USPL1: variants seen among roughly 807,000 people sequenced by gnomAD.
USPL1 encodes the protein ubiquitin specific peptidase like 1, also known as SUMO-specific isopeptidase USPL1.
Under a neutral mutation model 51.5 loss-of-function variants are expected in USPL1, and 27 were observed. The ratio of observed to expected loss-of-function variants is 0.52; its 90% confidence interval spans 0.39 to 0.72. The LOEUF (loss-of-function observed/expected upper bound fraction) is 0.72, where lower values mean the gene tolerates loss of function less well. Ranked by LOEUF, USPL1 falls within the 30% of genes least tolerant of loss-of-function variation. USPL1 has a pLI of 0.00. For synonymous variants in USPL1, 451 were observed against 459.6 expected, an observed-to-expected ratio of 0.98 and a Z score of 0.24; for missense variants, 1,226 against 1,268.0, an observed-to-expected ratio of 0.97 and a Z score of 0.50.
At chr13:30,641,520 T>A (rs1266098759) in intron 5 of USPL1, among the ~76,000 whole-genome samples, 1 of 152,186 alleles carries the variant, frequency 6.6e-6, no homozygotes, top group Non-Finnish European at 1.5e-5. Flanking sequence ...TTGGGCCAAA[T>A]CGGTAAGGCA....
chr13:30,658,553 A>G lies in USPL1; in HGVS notation c.2476A>G (p.Ser826Gly), dbSNP rs775837924. Residue 826 changes from serine (S) to glycine (G), a missense_variant, in exon 9 of 9, where the codon AGT becomes GGT. Physicochemically the swap from Ser to Gly is moderately conservative, Grantham distance 56 (BLOSUM62 0). Coordinates refer to ENST00000255304, the MANE Select transcript of USPL1 (RefSeq NM_005800.5). Reference protein sequence around the residue: ...RKSASKPPPISKPPAGPPSSN... With the variant: ...RKSASKPPPIGKPPAGPPSSN... ...GAGTGCAAGTAAGCCTCCTCCCATC[A>G]GTAAGCCACCAGCAGGCCCTCCATC... 2 of 1,614,138 alleles carry G rather than the reference A, an allele frequency of 1.2e-6. No individual in the cohort carries two copies. Among genetic ancestry groups the G allele is most frequent in the South Asian group, 1.1e-5 (1 of 91,088 alleles).
intron 1 of USPL1, 63 bp from the exon 2 acceptor site, chr13:30,621,010 C>T (rs777810912): frequency 1.3e-5 from 9 of 695,066 alleles, no homozygotes; most frequent in Non-Finnish European, 2.1e-5. Context: ...TATAAAATAG[C>T]ATGGTTCTTT....
At chr13:30,640,331 C>G (rs969134355) in intron 5 of USPL1, among the ~76,000 whole-genome samples, 37 of 152,240 alleles carry the variant, frequency 2.4e-4, no homozygotes, top group African/African-American at 8.0e-4. Context: ...TTTATGCATA[C>G]AGTGTTGCAT....
rs1191776255 is a variant in USPL1, at chr13:30,633,873, A to G, written c.868+2399A>G. ...ACATTTGTTTCTGATCGTGTCTTCCACCCACAAATTGAATGCTTTTTCCAT... is the reference window on the plus strand; with the variant it reads ...ACATTTGTTTCTGATCGTGTCTTCCGCCCACAAATTGAATGCTTTTTCCAT... On this transcript the variant is annotated intron_variant, in intron 4 of 8. Transcript: ENST00000255304. Among the ~76,000 whole-genome samples the G allele has an allele frequency of 2.0e-5, 3 of 150,372 alleles. No individual in the cohort carries two copies. The East Asian group carries it at 5.8e-4, about 29-fold the overall frequency.
intron 5 of USPL1, among the ~76,000 whole-genome samples, chr13:30,640,935 T>A (rs1950938955): frequency 6.6e-6 from 1 of 152,200 alleles, no homozygotes; most frequent in Non-Finnish European, 1.5e-5. Flanking sequence ...TCTGAGTAGT[T>A]TGACTTAGGA....
At chr13:30,644,885 A>G (rs1409976562) in intron 6 of USPL1, among the ~76,000 whole-genome samples, 2 of 152,232 alleles carry the variant, frequency 1.3e-5, no homozygotes, top group Non-Finnish European at 2.9e-5. Context: ...ATTCATACCT[A>G]GGACTTAAAT....
At chr13:30,652,910 T>C (rs1025718425) in intron 7 of USPL1, among the ~76,000 whole-genome samples, 3 of 152,250 alleles carry the variant, frequency 2.0e-5, no homozygotes, top group Non-Finnish European at 2.9e-5. Context: ...GTTAGAGTCA[T>C]ACTGCATGAT....
intron 8 of USPL1, 30 bp from the exon 9 acceptor site, chr13:30,657,444 T>G (rs1951178304): frequency 6.5e-7 from 1 of 1,546,976 alleles, no homozygotes; most frequent in Non-Finnish European, 8.7e-7. Context: ...TTTTTGAATA[T>G]CTAACTTTCA....
Position 30,621,807 on chromosome 13 carries a change from C to T in USPL1, c.143C>T (p.Ala48Val), listed in dbSNP as rs1055731899. The T allele has an allele frequency of 3.2e-6, 5 of 1,584,876 alleles. No individual in the cohort carries two copies. In the African/African-American group the frequency reaches 6.8e-5, roughly 22 times the overall value. The part of the protein sequence containing the change: ...AKVPSDEYCP[A>V]CREKGKLKAL... ...GTTCCATCAGATGAGTATTGCCCTG[C>T]TTGTAGAGAGAAGGGAAAGTTAAAA... The change falls in exon 3 of 9, where the codon GCT (alanine) becomes GTT (valine). Residue 48 changes from alanine (A) to valine (V), a missense_variant. Transcript: ENST00000255304.
intron 1 of USPL1, 133 bp downstream of exon 1, chr13:30,618,189 T>A (rs1223337039): frequency 6.6e-6 from 1 of 152,252 alleles, no homozygotes; most frequent in Non-Finnish European, 1.5e-5. Flanking sequence ...TGGGAAAGGT[T>A]GATGATTAAG....
At chr13:30,652,590 T>G (rs1951104816) in intron 7 of USPL1, among the ~76,000 whole-genome samples, 1 of 152,256 alleles carries the variant, frequency 6.6e-6, no homozygotes, top group African/African-American at 2.4e-5. Context: ...CAATATGTTG[T>G]ATTTTTTTCT....
At chr13:30,620,995 C>A in intron 1 of USPL1, 78 bp from the exon 2 acceptor site, 2 of 635,332 alleles carry the variant, frequency 3.1e-6, no homozygotes, top group South Asian at 4.2e-5. Context: ...TTACTATATA[C>A]GTCTTATAAA....
Position 30,621,089 on chromosome 13 carries a change from C to A in USPL1, c.-52C>A. The A allele has an allele frequency of 6.9e-7, 1 of 1,451,454 alleles. No individual in the cohort carries two copies. Among genetic ancestry groups the A allele is most frequent in the Non-Finnish European group, 9.4e-7 (1 of 1,058,604 alleles). 89.9% of individuals were successfully genotyped at this position (1,451,454 alleles called of 1,614,324 possible). A position where few individuals can be genotyped will look rare whatever the true frequency, so the allele number is the denominator to read the frequency against. On this transcript the variant is annotated 5_prime_UTR_variant, in exon 2 of 9. Coordinates refer to ENST00000255304, the MANE Select transcript of USPL1 (RefSeq NM_005800.5). ...TTTTTCCAGGGTTCATTGAAAAAAT[C>A]CTTAGTGATATTGACATGTCTCAAG...
intron 7 of USPL1, among the ~76,000 whole-genome samples, chr13:30,651,620 A>G (rs1249068274): frequency 6.6e-6 from 1 of 152,244 alleles, no homozygotes; most frequent in African/African-American, 2.4e-5. Flanking sequence ...AACTAGCCTC[A>G]GAAAGTATCT....
intron 7 of USPL1, among the ~76,000 whole-genome samples, chr13:30,650,818 C>A (rs909177384): frequency 1.3e-5 from 2 of 151,702 alleles, no homozygotes; most frequent in African/African-American, 4.8e-5. Context: ...GGTGAAACCC[C>A]ATCTCTACTA....
chr13:30,655,308 T>C (rs1033797072), intron 8 of USPL1, among the ~76,000 whole-genome samples: 6 of 152,210 alleles, frequency 3.9e-5, no homozygotes, highest in Non-Finnish European at 8.8e-5. Flanking sequence ...GTTTTAAGTC[T>C]GTGTTGAGTC....
Position 30,660,479 on chromosome 13 carries a change from A to G in USPL1, c.*1123A>G, listed in dbSNP as rs1346587312. On this transcript the variant is annotated 3_prime_UTR_variant, in exon 9 of 9. Coordinates refer to ENST00000255304, the MANE Select transcript of USPL1 (RefSeq NM_005800.5). ...CTGCTCCAAGGCTGCAGCCGGAATG[A>G]TAGCAGGCTGACTGGAGCACCTGCC... The G allele has an allele frequency of 9.2e-5, 14 of 152,290 alleles. No homozygotes were observed. Among genetic ancestry groups the G allele is most frequent in the Admixed American group, 9.2e-4 (14 of 15,294 alleles). The allele number at this position is 152,290 out of a possible 1,614,324, so 9.4% of individuals were successfully genotyped here.
Position 30,657,607 on chromosome 13 carries a change from C to T in USPL1, c.1530C>T (p.Ala510=). 6.2e-7 allele frequency: 1 copy of T among 1,614,168 alleles called. No homozygotes were observed. The highest frequency in any genetic ancestry group is 8.5e-7 in the Non-Finnish European group (1 of 1,180,026). Residue 510 remains alanine, a synonymous_variant, in exon 9 of 9, where the codon GCC becomes GCT. Coordinates refer to ENST00000255304, the MANE Select transcript of USPL1 (RefSeq NM_005800.5). The part of the protein sequence containing the change: ...KISQVTDKEA[A]CLPLKKTNDQ... ...CCCAAGTGACAGATAAAGAAGCTGC[C>T]TGCCTTCCACTTAAAAAGACTAATG... is the stretch of plus-strand genomic sequence containing the variant.
In USPL1 at chr13:30,657,686, G is replaced by A. The variant is rs755475481; in HGVS notation, c.1609G>A (p.Gly537Ser). Residue 537 changes from glycine (G) to serine (S), a missense_variant, in exon 9 of 9, where the codon GGT becomes AGT. By Grantham distance (56) the Gly-to-Ser change is moderately conservative. Coordinates refer to ENST00000255304, the MANE Select transcript of USPL1 (RefSeq NM_005800.5). ...AGTATCTTTAACATCGTGTTCTGTG[G>A]GTGATGCTGCCTCAGCTGAAACAGC... ...KPVSLTSCSV[G>S]DAASAETASV... 8 of 1,614,100 alleles carry A rather than the reference G, an allele frequency of 5.0e-6. No individual in the cohort carries two copies. The highest frequency in any genetic ancestry group is 6.8e-6 in the Non-Finnish European group (8 of 1,179,984).
Sources: gnomAD v4.1 joint callset for allele counts (sites outside exome capture counted in the v4.1 genomes callset) on GRCh38, gnomAD v4.1.1 for gene constraint, MANE v1.5 for transcripts, NCBI Gene and HGNC (gene_info 2026-07-23, HGNC 2026-07-21) for gene names.